Variants in DOCK3 observed in about 807,000 individuals in gnomAD.
DOCK3 encodes the protein dedicator of cytokinesis 3.
A neutral mutation model predicts 265.6 loss-of-function variants in DOCK3; 60 were observed. The observed-to-expected ratio is 0.23, with a 90% CI of 0.18 to 0.28. DOCK3 has a LOEUF of 0.28. Ranked by LOEUF, DOCK3 falls within the 10% of genes least tolerant of loss-of-function variation. The pLI, the probability that DOCK3 is intolerant of heterozygous loss-of-function variation, is 1.00. For synonymous variants in DOCK3, 881 were observed against 938.0 expected, an observed-to-expected ratio of 0.94 and a Z score of 1.11; for missense variants, 1,981 against 2,594.3, an observed-to-expected ratio of 0.76 and a Z score of 5.14.
chr3:51,285,441 T>A (rs912205750), intron 27 of DOCK3, among the ~76,000 whole-genome samples: 1 of 151,734 alleles, frequency 6.6e-6, no homozygotes, highest in African/African-American at 2.4e-5. Flanking sequence ...AATGAAAGAA[T>A]AAACTGAGAA....
chr3:50,716,571 T>TTA (rs2037127595), intron 1 of DOCK3, among the ~76,000 whole-genome samples: 2 of 150,780 alleles, frequency 1.3e-5, no homozygotes. Context: ...TTAAAAAAAA[T>TTA]TATATATATA....
At position 51,356,958 on chromosome 3, in the gene DOCK3, C is replaced by T; in HGVS notation, c.4504-4C>T. 2 of 1,610,328 alleles carry T rather than the reference C, an allele frequency of 1.2e-6. No individual in the cohort carries two copies. Among genetic ancestry groups the T allele is most frequent in the Non-Finnish European group, 1.7e-6 (2 of 1,178,260 alleles). On this transcript the variant is annotated splice_polypyrimidine_tract_variant and splice_region_variant and intron_variant, in intron 43 of 52. Coordinates refer to ENST00000266037, the MANE Select transcript of DOCK3 (RefSeq NM_004947.5). ...GGATGACTCTGTGTGCTGTGTGCCC[C>T]TAGGTGGAGGTGAGCCCTCTGGAGA...
intron 9 of DOCK3, among the ~76,000 whole-genome samples, chr3:51,096,877 C>T (rs113284266): frequency 0.011 from 1,723 of 152,244 alleles, 14 homozygotes; most frequent in Non-Finnish European, 0.017. Context: ...TGTTTGTTAG[C>T]TTTCCAGGTC....
At chr3:50,770,517 C>T (rs1314274772) in intron 1 of DOCK3, among the ~76,000 whole-genome samples, 2 of 151,646 alleles carry the variant, frequency 1.3e-5, no homozygotes, top group Non-Finnish European at 2.9e-5. Flanking sequence ...TGCATTCTAC[C>T]CAAAGAAATC....
chr3:50,946,703 C>A (rs1183756419), intron 5 of DOCK3, among the ~76,000 whole-genome samples: 1 of 152,136 alleles, frequency 6.6e-6, no homozygotes, highest in African/African-American at 2.4e-5. Context: ...TCTGGAAATG[C>A]CATTGTTTTG....
At chr3:50,990,545 A>G (rs140529210) in intron 5 of DOCK3, among the ~76,000 whole-genome samples, 15 of 152,356 alleles carry the variant, frequency 9.8e-5, no homozygotes, top group African/African-American at 3.4e-4. Context: ...TAAGAATTTT[A>G]TATCTAGCTG....
rs142776668 is a variant in DOCK3 at position 50,682,325 on chromosome 3, A to G, written c.37+7025A>G. Among the ~76,000 whole-genome samples the G allele has an allele frequency of 4.8e-3, 738 of 152,302 alleles. 4 individuals carry two copies. Among genetic ancestry groups the G allele is most frequent in the Non-Finnish European group, 7.7e-3 (523 of 68,030 alleles). On this transcript the variant is annotated intron_variant, in intron 1 of 52. Transcript: ENST00000266037. ...TACTTAACTCATAACTAGTGCCGCCATGTCCCAGGACCATTAAACACATAT... is the reference window on the plus strand; with the variant it reads ...TACTTAACTCATAACTAGTGCCGCCGTGTCCCAGGACCATTAAACACATAT...
rs1488735423 is a variant in DOCK3 at position 51,310,266 on chromosome 3, A to C, written c.2957A>C (p.Asn986Thr). 6.2e-7 allele frequency: 1 copy of C among 1,605,978 alleles called. No homozygotes were observed. Among genetic ancestry groups the C allele is most frequent in the African/African-American group, 1.3e-5 (1 of 74,850 alleles). The change falls in exon 28 of 53, where the codon AAC becomes ACC. Residue 986 changes from asparagine (N) to threonine (T), a missense_variant. By Grantham distance (65) the Asn-to-Thr change is moderately conservative. Transcript: ENST00000266037. ...FLLKIFCVFR[N>T]LMKMSVFPRD... ...CTGAAGATTTTTTGCGTGTTCCGGA[A>C]CCTGATGAAGATGAGTGTCTTCCCT...
chr3:50,836,220 A>G (rs975393943), intron 2 of DOCK3, among the ~76,000 whole-genome samples: 20 of 151,432 alleles, frequency 1.3e-4, no homozygotes, highest in Non-Finnish European at 2.9e-5. Context: ...CCCGGGGGGG[A>G]CTCCATGTGG....
At chr3:50,960,753 ACT>A (rs543530434) in intron 5 of DOCK3, among the ~76,000 whole-genome samples, 155 of 152,060 alleles carry the variant, frequency 1.0e-3, no homozygotes, top group African/African-American at 2.9e-3. Context: ...ATACTTAATA[ACT>A]CTGTCTAACC....
chr3:51,066,070 A>G (rs1284472901), intron 6 of DOCK3, among the ~76,000 whole-genome samples: 1 of 152,240 alleles, frequency 6.6e-6, no homozygotes. Flanking sequence ...AATTTCCAAA[A>G]TAAAATACTC....
At chr3:51,228,555 C>A in intron 17 of DOCK3, 106 bp from the exon 18 acceptor site, 2 of 1,283,602 alleles carry the variant, frequency 1.6e-6, no homozygotes, top group Non-Finnish European at 2.1e-6. Context: ...GCCCAACGTT[C>A]AGCCTTAGGA....
chr3:51,065,750 T>G (rs925029586), intron 6 of DOCK3, among the ~76,000 whole-genome samples: 1 of 152,184 alleles, frequency 6.6e-6, no homozygotes, highest in African/African-American at 2.4e-5. Context: ...TTGCTCCCGC[T>G]TACCAGAAAG....
chr3:51,373,318 T>G (rs972350741), intron 49 of DOCK3, among the ~76,000 whole-genome samples: 23 of 152,150 alleles, frequency 1.5e-4, no homozygotes, highest in African/African-American at 4.8e-4. Context: ...CTGGAGCCCA[T>G]GGGTTGGTCT....
At chr3:50,901,618 C>T in intron 4 of DOCK3, 2 of 453,608 alleles carry the variant, frequency 4.4e-6, no homozygotes, top group Non-Finnish European at 8.8e-6. Context: ...CCGAGGGAAT[C>T]TCCTGGTGTG....
At chr3:50,787,174 C>T (rs1401917818) in intron 2 of DOCK3, 6 of 645,310 alleles carry the variant, frequency 9.3e-6, no homozygotes, top group African/African-American at 3.6e-5. Flanking sequence ...CTTTCCAGGA[C>T]AAACTTATTG....
intron 5 of DOCK3, among the ~76,000 whole-genome samples, chr3:51,050,280 G>A (rs1182739135): frequency 2.0e-5 from 3 of 152,028 alleles, no homozygotes; most frequent in Non-Finnish European, 2.9e-5. Context: ...CTAGCTACTC[G>A]GGAGGCAGAG....
At chr3:51,120,529 G>C (rs1364574748) in intron 9 of DOCK3, among the ~76,000 whole-genome samples, 3 of 152,202 alleles carry the variant, frequency 2.0e-5, no homozygotes, top group Admixed American at 6.5e-5. Context: ...AGAGCTGGCA[G>C]GCAGAAACGT....
chr3:51,308,621 T>A (rs556691741), intron 27 of DOCK3, among the ~76,000 whole-genome samples: 78 of 152,232 alleles, frequency 5.1e-4, no homozygotes, highest in Non-Finnish European at 9.1e-4. Flanking sequence ...TCTACTTCTT[T>A]CTACACAGAC....
Sources: allele counts gnomAD v4.1 joint callset (sites outside exome capture counted in the v4.1 genomes callset), GRCh38; gene constraint gnomAD v4.1.1; transcripts MANE v1.5; gene names NCBI Gene and HGNC (gene_info 2026-07-23, HGNC 2026-07-21).